TRIM75: variants seen among roughly 807,000 people sequenced by gnomAD.
TRIM75 encodes the protein tripartite motif containing 75.
chr4:165,058,334 A>G, the TRIM75 span, among the ~76,000 whole-genome samples: 1 of 150,176 alleles, frequency 6.7e-6, no homozygotes, highest in Non-Finnish European at 1.5e-5. Flanking sequence ...ATGCCCAACT[A>G]ATTTTTTTTT....
the TRIM75 span, among the ~76,000 whole-genome samples, chr4:165,056,992 A>G: frequency 0.023 from 3,426 of 152,262 alleles, 118 homozygotes; most frequent in African/African-American, 0.077. Context: ...AGCTGTGAAC[A>G]GAGTGAAAAA....
At chr4:165,054,935 G>T in the TRIM75 span, among the ~76,000 whole-genome samples, 2 of 152,026 alleles carry the variant, frequency 1.3e-5, no homozygotes, top group East Asian at 3.9e-4. Flanking sequence ...GATGGTTTGT[G>T]TATAGAGTTG....
chr4:165,060,228 T>G, the TRIM75 span: 1 of 780,920 alleles, frequency 1.3e-6, no homozygotes, highest in East Asian at 2.4e-5. Context: ...TAAGTCAGAA[T>G]GGGCTATTGG....
At chr4:165,055,922 C>CG in the TRIM75 span, among the ~76,000 whole-genome samples, 1 of 51,488 alleles carries the variant, frequency 1.9e-5, no homozygotes, top group African/African-American at 6.5e-5. Context: ...TCTCTCTCTC[C>CG]CTTTTTTTTT....
At chr4:165,057,026 C>G in the TRIM75 span, among the ~76,000 whole-genome samples, 2 of 152,068 alleles carry the variant, frequency 1.3e-5, no homozygotes, top group African/African-American at 2.4e-5. Flanking sequence ...TAGGAAGATG[C>G]CCGCTTTTTT....
At chr4:165,059,943 A>T in the TRIM75 span, 1 of 779,796 alleles carries the variant, frequency 1.3e-6, no homozygotes, top group Non-Finnish European at 2.4e-6. Flanking sequence ...TAGCCCATCG[A>T]TCTTTTCAAT....
At chr4:165,055,599 A>AAGGAG in the TRIM75 span, among the ~76,000 whole-genome samples, 51,368 of 151,588 alleles carry the variant, frequency 0.34, 9,791 homozygotes, top group Non-Finnish European at 0.44. Flanking sequence ...ACATTTTACA[A>AAGGAG]AGGAGAGGCG....
At chr4:165,057,520 A>ATTTTTTT in the TRIM75 span, among the ~76,000 whole-genome samples, 1 of 152,042 alleles carries the variant, frequency 6.6e-6, no homozygotes, top group Non-Finnish European at 1.5e-5. Context: ...CTTTTTAAGT[A>ATTTTTTT]TTTTTTTGTT....
At chr4:165,057,812 G>A in the TRIM75 span, among the ~76,000 whole-genome samples, 1 of 152,176 alleles carries the variant, frequency 6.6e-6, no homozygotes, top group African/African-American at 2.4e-5. Context: ...GGGATTACAG[G>A]CTGAGCCACC....
At chr4:165,054,559 G>T in the TRIM75 span, among the ~76,000 whole-genome samples, 1 of 152,058 alleles carries the variant, frequency 6.6e-6, no homozygotes, top group Admixed American at 6.6e-5. Context: ...GAGCCACCGT[G>T]CCTGGCCCAT....
the TRIM75 span, among the ~76,000 whole-genome samples, chr4:165,057,719 C>T: frequency 1.3e-5 from 2 of 152,048 alleles, no homozygotes; most frequent in African/African-American, 4.8e-5. Context: ...TTTTTAGTAG[C>T]GACAAGGTTT....
chr4:165,059,341 T>G, the TRIM75 span: 1 of 780,522 alleles, frequency 1.3e-6, no homozygotes, highest in South Asian at 1.3e-5. Flanking sequence ...GAGGGGCACT[T>G]CAGGAGCAAC....
At chr4:165,054,103 A>T in the TRIM75 span, among the ~76,000 whole-genome samples, 1 of 151,530 alleles carries the variant, frequency 6.6e-6, no homozygotes, top group African/African-American at 2.4e-5. Context: ...ATTTTCATTT[A>T]TTTTTTTGAG....
the TRIM75 span, among the ~76,000 whole-genome samples, chr4:165,054,225 T>C: frequency 6.6e-6 from 1 of 151,074 alleles, no homozygotes; most frequent in African/African-American, 2.4e-5. Context: ...TCCAAGTAGC[T>C]GGAATTACAG....
chr4:165,058,878 T>C, the TRIM75 span, among the ~76,000 whole-genome samples: 1 of 152,180 alleles, frequency 6.6e-6, no homozygotes, highest in South Asian at 2.1e-4. Flanking sequence ...AGCCAAAGGC[T>C]GGAAGAGCAG....
At chr4:165,059,096 C>T in the TRIM75 span, 2 of 696,802 alleles carry the variant, frequency 2.9e-6, no homozygotes, top group East Asian at 2.6e-5. Context: ...ACCCACAGAA[C>T]TCAACCTCTT....
the TRIM75 span, chr4:165,059,286 C>G: frequency 1.3e-6 from 1 of 780,546 alleles, no homozygotes; most frequent in Admixed American, 1.7e-5. Flanking sequence ...CTGGCTGGAT[C>G]TACAGGAATT....
the TRIM75 span, among the ~76,000 whole-genome samples, chr4:165,058,944 T>C: frequency 6.6e-6 from 1 of 152,004 alleles, no homozygotes; most frequent in Non-Finnish European, 1.5e-5. Context: ...CTTTTGGCAG[T>C]TGGAATTAAA....
At chr4:165,059,238 T>C in the TRIM75 span, 1 of 780,486 alleles carries the variant, frequency 1.3e-6, no homozygotes, top group Non-Finnish European at 2.4e-6. Flanking sequence ...CACCATCGAA[T>C]GTGGGCACAA....
Sources: gnomAD v4.1 joint callset for allele counts (sites outside exome capture counted in the v4.1 genomes callset) on GRCh38, gnomAD v4.1.1 for gene constraint, MANE v1.5 for transcripts, NCBI Gene and HGNC (gene_info 2026-07-23, HGNC 2026-07-21) for gene names.